The following CDH10 variants were observed in gnomAD, a reference collection of about 807,000 sequenced individuals.
The protein encoded by CDH10 is cadherin 10, also known as cadherin-10.
In CDH10, 30 loss-of-function variants were observed where a neutral mutation model predicts 73.1. That is an observed-to-expected ratio of 0.41 (90% CI 0.31 to 0.56). CDH10 has a LOEUF of 0.56. Among genes scored for constraint, CDH10 ranks in the 20% least tolerant of loss-of-function variants. The pLI, the probability that CDH10 is intolerant of heterozygous loss-of-function variation, is 0.27. For missense variants in CDH10, 815 were observed against 973.7 expected (o/e 0.84, Z 2.17); for synonymous variants, 345 against 348.2 (o/e 0.99, Z 0.10).
intron 2 of CDH10, among the ~76,000 whole-genome samples, chr5:24,565,345 C>G (rs552276269): frequency 6.6e-6 from 1 of 152,114 alleles, no homozygotes. Context: ...ATATAAATTT[C>G]TATGTACTAA....
intron 2 of CDH10, among the ~76,000 whole-genome samples, chr5:24,542,964 A>G (rs1204307984): frequency 6.6e-6 from 1 of 152,176 alleles, no homozygotes; most frequent in Non-Finnish European, 1.5e-5. Flanking sequence ...TGAGGCCACA[A>G]ATATTCACAC....
intron 1 of CDH10, among the ~76,000 whole-genome samples, chr5:24,596,151 T>G (rs1040698538): frequency 6.6e-6 from 1 of 152,020 alleles, no homozygotes; most frequent in Non-Finnish European, 1.5e-5. Flanking sequence ...TTCTCTGCAG[T>G]TAGTTCTTCC....
chr5:24,540,734 T>A (rs185750991), intron 2 of CDH10, among the ~76,000 whole-genome samples: 1 of 152,086 alleles, frequency 6.6e-6, no homozygotes, highest in Admixed American at 6.6e-5. Flanking sequence ...GTACTAATGA[T>A]AATGTATATT....
At chr5:24,635,344 C>T (rs745639121) in intron 1 of CDH10, among the ~76,000 whole-genome samples, 2 of 151,974 alleles carry the variant, frequency 1.3e-5, no homozygotes, top group Non-Finnish European at 2.9e-5. Flanking sequence ...AACATTACTG[C>T]AGTGTATTCA....
chr5:24,619,218 T>G (rs1301816930), intron 1 of CDH10, among the ~76,000 whole-genome samples: 2 of 151,968 alleles, frequency 1.3e-5, no homozygotes, highest in Non-Finnish European at 2.9e-5. Context: ...TTTTGAGACG[T>G]AGTCTCACTC....
chr5:24,503,265 A>T (rs976650367), intron 8 of CDH10, among the ~76,000 whole-genome samples: 19 of 152,304 alleles, frequency 1.2e-4, no homozygotes, highest in African/African-American at 4.3e-4. Context: ...CAGATCTAAA[A>T]TTTATGGGCT....
rs1741880536 is a variant in CDH10 at position 24,487,432 on chromosome 5, C to G, written c.*231G>C. On this transcript the variant is annotated 3_prime_UTR_variant, in exon 12 of 12. Transcript: ENST00000264463. ...CTTTTATTTACTAAGATGGACAACACTGTATTTCCATAGCTTTGGCTCTTG... is the reference window on the plus strand; with the variant it reads ...CTTTTATTTACTAAGATGGACAACAGTGTATTTCCATAGCTTTGGCTCTTG... 1.5e-5 allele frequency: 7 copies of G among 454,082 alleles called. No homozygotes were observed. In the South Asian group the frequency reaches 2.1e-4, roughly 13 times the overall value. The allele number at this position is 454,082 out of a possible 1,614,324, so 28.1% of individuals were successfully genotyped here.
At chr5:24,604,113 C>T (rs1191799654) in intron 1 of CDH10, among the ~76,000 whole-genome samples, 2 of 152,148 alleles carry the variant, frequency 1.3e-5, no homozygotes, top group Admixed American at 6.5e-5. Flanking sequence ...CTTTGGGAGG[C>T]AGAGGCAGGA....
At chr5:24,564,363 G>T (rs569730530) in intron 2 of CDH10, among the ~76,000 whole-genome samples, 134 of 152,292 alleles carry the variant, frequency 8.8e-4, no homozygotes, top group African/African-American at 3.1e-3. Flanking sequence ...ACTGGTGGTG[G>T]CATTCATCCT....
At position 24,510,738 on chromosome 5, in the gene CDH10, C is replaced by T. The variant is rs138901312; in HGVS notation, c.1002+589G>A. Among the ~76,000 whole-genome samples, 53 of 152,240 alleles carry T rather than the reference C, an allele frequency of 3.5e-4. 1 individual carries two copies. The East Asian group carries it at 6.2e-3, about 18-fold the overall frequency. On this transcript the variant is annotated intron_variant, in intron 6 of 11. Coordinates refer to ENST00000264463, the MANE Select transcript of CDH10 (RefSeq NM_006727.5). ...TCTATGTATGGCATTTCATTAGGAC[C>T]TAAAGTTTAATGTGCCTTATTTTTT... is the stretch of plus-strand genomic sequence containing the variant.
chr5:24,502,228 T>C (rs952935109), intron 8 of CDH10, among the ~76,000 whole-genome samples: 2 of 152,132 alleles, frequency 1.3e-5, no homozygotes, highest in Non-Finnish European at 2.9e-5. Flanking sequence ...GGCTCCCACA[T>C]AGCATTTTAA....
intron 1 of CDH10, among the ~76,000 whole-genome samples, chr5:24,637,033 C>A (rs1387335931): frequency 2.6e-5 from 4 of 151,990 alleles, no homozygotes; most frequent in African/African-American, 9.7e-5. Flanking sequence ...TGCAACAATG[C>A]AGCTTTAAAA....
intron 1 of CDH10, among the ~76,000 whole-genome samples, chr5:24,633,313 C>A (rs892540029): frequency 6.6e-6 from 1 of 151,666 alleles, no homozygotes; most frequent in African/African-American, 2.4e-5. Context: ...TTATAAAAAA[C>A]CCAGTCAAAG....
intron 2 of CDH10, among the ~76,000 whole-genome samples, chr5:24,567,410 C>T (rs189996060): frequency 2.0e-5 from 3 of 149,542 alleles, no homozygotes; most frequent in Admixed American, 6.7e-5. Flanking sequence ...TAACAGGAAA[C>T]GAGATACACA....
At position 24,487,639 on chromosome 5, in the gene CDH10, T is replaced by C. The variant is rs372230586; in HGVS notation, c.*24A>G. ...GCATGGGTAGAGTTACTTTCTCTTG[T>C]TTGAACAGAACATATATCCTACGTT... On this transcript the variant is annotated 3_prime_UTR_variant, in exon 12 of 12. Transcript: ENST00000264463. The C allele has an allele frequency of 7.6e-6, 12 of 1,580,762 alleles. No individual in the cohort carries two copies. The East Asian group carries it at 1.6e-4, about 21-fold the overall frequency.
intron 9 of CDH10, among the ~76,000 whole-genome samples, chr5:24,494,269 C>T (rs79297395): frequency 0.037 from 5,646 of 151,728 alleles, 325 homozygotes; most frequent in African/African-American, 0.13. Flanking sequence ...TTAATAAAGT[C>T]AAAATATTGT....
chr5:24,621,073 T>G (rs1422009131), intron 1 of CDH10, among the ~76,000 whole-genome samples: 1 of 152,160 alleles, frequency 6.6e-6, no homozygotes, highest in African/African-American at 2.4e-5. Flanking sequence ...TGATGCAGTT[T>G]AATTCAGGAG....
chr5:24,606,886 A>G (rs934104719), intron 1 of CDH10, among the ~76,000 whole-genome samples: 4 of 152,188 alleles, frequency 2.6e-5, no homozygotes, highest in Non-Finnish European at 5.9e-5. Flanking sequence ...TTCTACTCTG[A>G]GACATTGGCG....
At chr5:24,633,379 G>T (rs1426939237) in intron 1 of CDH10, among the ~76,000 whole-genome samples, 1 of 151,834 alleles carries the variant, frequency 6.6e-6, no homozygotes, top group South Asian at 2.1e-4. Context: ...AATTGTTTTA[G>T]AATGTATAAA....
Sources: gnomAD v4.1 joint callset for allele counts (sites outside exome capture counted in the v4.1 genomes callset) on GRCh38, gnomAD v4.1.1 for gene constraint, MANE v1.5 for transcripts, NCBI Gene and HGNC (gene_info 2026-07-23, HGNC 2026-07-21) for gene names.